The following NLN variants were observed in gnomAD, a reference collection of about 807,000 sequenced individuals.
The protein encoded by NLN is neurolysin.
In NLN, 64 loss-of-function variants were observed where a neutral mutation model predicts 79.9. The observed-to-expected ratio is 0.80, with a 90% CI of 0.65 to 0.99. NLN has a LOEUF of 0.99. NLN is among the 50% of genes least tolerant of loss of function. NLN has a pLI of 0.00. For missense variants in NLN, 835 were observed against 858.7 expected (o/e 0.97, Z 0.34); for synonymous variants, 267 against 296.6 (o/e 0.90, Z 1.02).
intron 6 of NLN, among the ~76,000 whole-genome samples, chr5:65,785,429 T>G (rs1471016231): frequency 6.6e-6 from 1 of 152,164 alleles, no homozygotes; most frequent in Non-Finnish European, 1.5e-5. Flanking sequence ...CCAAAGGAAC[T>G]GAAAGTACCA....
At chr5:65,729,664 G>A (rs938178703) in intron 1 of NLN, among the ~76,000 whole-genome samples, 11 of 152,134 alleles carry the variant, frequency 7.2e-5, no homozygotes, top group Non-Finnish European at 2.9e-5. Context: ...GTGAACCACC[G>A]TGCTCCGCCG....
At chr5:65,782,090 T>C (rs935420708) in intron 6 of NLN, among the ~76,000 whole-genome samples, 1 of 152,200 alleles carries the variant, frequency 6.6e-6, no homozygotes, top group African/African-American at 2.4e-5. Context: ...TTCTAAAATT[T>C]TCAAATTCCT....
At chr5:65,782,709 G>A (rs1287925920) in intron 6 of NLN, among the ~76,000 whole-genome samples, 1 of 152,168 alleles carries the variant, frequency 6.6e-6, no homozygotes, top group East Asian at 1.9e-4. Context: ...GAACCTCCCT[G>A]AGCAGAATTC....
At chr5:65,776,193 C>A (rs1001874992) in intron 3 of NLN, among the ~76,000 whole-genome samples, 1 of 152,198 alleles carries the variant, frequency 6.6e-6, no homozygotes, top group East Asian at 1.9e-4. Flanking sequence ...GCGGAGGTTG[C>A]AGTGAGCTGA....
At chr5:65,750,859 G>A (rs1759087329) in intron 1 of NLN, among the ~76,000 whole-genome samples, 1 of 152,176 alleles carries the variant, frequency 6.6e-6, no homozygotes, top group African/African-American at 2.4e-5. Flanking sequence ...TGGCATTGTA[G>A]AAATCAGAAA....
intron 1 of NLN, among the ~76,000 whole-genome samples, chr5:65,725,020 T>C (rs996180313): frequency 6.6e-6 from 1 of 151,998 alleles, no homozygotes; most frequent in Admixed American, 6.6e-5. Context: ...TTAGCCAGGA[T>C]GGTCTCGATC....
intron 2 of NLN, 134 bp from the exon 3 acceptor site, chr5:65,762,826 A>T: frequency 1.3e-6 from 1 of 772,926 alleles, no homozygotes; most frequent in Non-Finnish European, 2.0e-6. Context: ...TGGTAGCCTT[A>T]GGAGGCTTTA....
At chr5:65,805,858 G>C (rs1346665286) in intron 9 of NLN, among the ~76,000 whole-genome samples, 1 of 152,238 alleles carries the variant, frequency 6.6e-6, no homozygotes, top group Non-Finnish European at 1.5e-5. Context: ...TGGCTTGAAA[G>C]CTTCAAGGGA....
chr5:65,807,070 G>A (rs1278301746), intron 9 of NLN, among the ~76,000 whole-genome samples: 2 of 151,842 alleles, frequency 1.3e-5, no homozygotes, highest in Non-Finnish European at 2.9e-5. Flanking sequence ...CCAGCTACTA[G>A]GGAAGGTAAG....
chr5:65,821,699 T>C (rs1243282403), intron 12 of NLN, among the ~76,000 whole-genome samples: 1 of 152,206 alleles, frequency 6.6e-6, no homozygotes, highest in Non-Finnish European at 1.5e-5. Flanking sequence ...GTCCAGACTG[T>C]GAAGTTACAT....
intron 1 of NLN, among the ~76,000 whole-genome samples, chr5:65,725,484 C>T (rs1296617941): frequency 2.6e-5 from 4 of 152,164 alleles, no homozygotes; most frequent in Non-Finnish European, 5.9e-5. Flanking sequence ...ATAAGTCCTT[C>T]GGAAATTTTA....
In NLN at chr5:65,752,901, T is replaced by G. The variant is rs190586500; in HGVS notation, c.42-5666T>G. Among the ~76,000 whole-genome samples the G allele has an allele frequency of 2.3e-3, 350 of 152,326 alleles. 5 individuals are homozygous for G. Among genetic ancestry groups the G allele is most frequent in the East Asian group, 0.023 (118 of 5,184 alleles). ...GAAAAAAAGTATTAAGATAAAAATT[T>G]TAATGTATTTAGTTGACCCATGACA... is the stretch of plus-strand genomic sequence containing the variant. On this transcript the variant is annotated intron_variant, in intron 1 of 12. Coordinates refer to ENST00000380985, the MANE Select transcript of NLN (RefSeq NM_020726.5).
At chr5:65,729,243 A>C (rs910426523) in intron 1 of NLN, among the ~76,000 whole-genome samples, 1 of 152,200 alleles carries the variant, frequency 6.6e-6, no homozygotes, top group Non-Finnish European at 1.5e-5. Context: ...ATAATCTCCA[A>C]AATGTTAAGA....
intron 9 of NLN, among the ~76,000 whole-genome samples, chr5:65,799,475 T>G (rs1352024033): frequency 6.6e-6 from 1 of 152,186 alleles, no homozygotes; most frequent in Non-Finnish European, 1.5e-5. Flanking sequence ...TACAGAAATA[T>G]TCTCCCCAGG....
chr5:65,792,631 C>A lies in NLN; in HGVS notation c.1503C>A (p.His501Gln). Reference protein sequence around the residue: ...EVRTYFHEFGHVMHQICAQTD... With the variant: ...EVRTYFHEFGQVMHQICAQTD... The stretch of plus-strand genomic sequence containing the variant: ...GGACTTACTTTCATGAGTTTGGTCA[C>A]GTGATGCATCAGATTTGTGCACAGG... The change falls in exon 9 of 13, where the codon CAC becomes CAA. Residue 501 changes from histidine to glutamine, a missense_variant. Coordinates refer to ENST00000380985, the MANE Select transcript of NLN (RefSeq NM_020726.5). 6.2e-7 allele frequency: 1 copy of A among 1,613,648 alleles called. No homozygotes were observed. The highest frequency in any genetic ancestry group is 8.5e-7 in the Non-Finnish European group (1 of 1,179,666).
chr5:65,815,938 C>A (rs1187209490), intron 12 of NLN, among the ~76,000 whole-genome samples: 1 of 152,086 alleles, frequency 6.6e-6, no homozygotes, highest in Non-Finnish European at 1.5e-5. Flanking sequence ...AAAAGAAATT[C>A]TTTTGTTGTC....
intron 3 of NLN, among the ~76,000 whole-genome samples, chr5:65,776,723 A>G (rs1328904211): frequency 6.6e-6 from 1 of 152,040 alleles, no homozygotes; most frequent in Non-Finnish European, 1.5e-5. Flanking sequence ...GGAGTTTTCC[A>G]TTCCCCTCCA....
chr5:65,786,102 G>A, intron 7 of NLN, 192 bp downstream of exon 7: 1 of 452,940 alleles, frequency 2.2e-6, no homozygotes, highest in South Asian at 5.5e-5. Flanking sequence ...TGCTAGTATA[G>A]GCCTGGCTTC....
At chr5:65,739,057 T>TATATAATATATATATAAAA (rs1360571787) in intron 1 of NLN, among the ~76,000 whole-genome samples, 1 of 143,726 alleles carries the variant, frequency 7.0e-6, no homozygotes, top group African/African-American at 2.6e-5. Flanking sequence ...TATATATAAA[T>TATATAATATATATATAAAA]TAGCCTGGCT....
Sources: allele counts gnomAD v4.1 joint callset (sites outside exome capture counted in the v4.1 genomes callset), GRCh38; gene constraint gnomAD v4.1.1; transcripts MANE v1.5; gene names NCBI Gene and HGNC (gene_info 2026-07-23, HGNC 2026-07-21).